Variants in PCDHGB5 observed in about 807,000 individuals in gnomAD.
PCDHGB5 encodes protocadherin gamma-B5.
PCDHGB5 carries 48 observed loss-of-function variants against 62.9 expected under a neutral mutation model. That is an observed-to-expected ratio of 0.76 (90% CI 0.61 to 0.97). PCDHGB5 has a LOEUF of 0.97. Ranked by LOEUF, PCDHGB5 falls within the 50% of genes least tolerant of loss-of-function variation. The pLI, the probability that PCDHGB5 is intolerant of heterozygous loss-of-function variation, is 0.00. For synonymous variants in PCDHGB5, 474 were observed against 511.2 expected, an observed-to-expected ratio of 0.93 and a Z score of 0.98; for missense variants, 1,118 against 1,198.6, an observed-to-expected ratio of 0.93 and a Z score of 0.99.
At chr5:141,420,413 A>T in intron 1 of PCDHGB5, 1 of 1,222,396 alleles carries the variant, frequency 8.2e-7, no homozygotes, top group Non-Finnish European at 1.1e-6. Context: ...GGTTATCATT[A>T]TTAAAACAAA....
intron 1 of PCDHGB5, among the ~76,000 whole-genome samples, chr5:141,406,975 C>A (rs1434644612): frequency 6.6e-6 from 1 of 152,108 alleles, no homozygotes; most frequent in African/African-American, 2.4e-5. Flanking sequence ...TAGTAAATAA[C>A]ATTTCACAAG....
intron 1 of PCDHGB5, chr5:141,403,389 C>T (rs764725441): frequency 1.2e-6 from 2 of 1,614,050 alleles, no homozygotes; most frequent in South Asian, 1.1e-5. Context: ...AACGAAATCG[C>T]GGTTCCTGGA....
chr5:141,481,200 T>A (rs977235584), intron 1 of PCDHGB5, among the ~76,000 whole-genome samples: 2 of 152,178 alleles, frequency 1.3e-5, no homozygotes, highest in Non-Finnish European at 2.9e-5. Flanking sequence ...CCAATTTTTT[T>A]AAAAAACATG....
In PCDHGB5 at chr5:141,491,786, C is replaced by T; in HGVS notation, c.2398-3021C>T. The stretch of plus-strand genomic sequence containing the variant: ...CCTCATAAGGGATTGAACTTGCATC[C>T]ACTCCTCTCCGGCCGGCTTGGTCGC... On this transcript the variant is annotated intron_variant, in intron 1 of 3. Coordinates refer to ENST00000617380, the MANE Select transcript of PCDHGB5 (RefSeq NM_018925.3). This position sits in a 1 kb window ranked among gnomAD's most constrained non-coding sequence, Gnocchi z 6.9. The T allele has an allele frequency of 1.3e-6, 2 of 1,529,640 alleles. No individual in the cohort carries two copies. The highest frequency in any genetic ancestry group is 2.5e-5 in the South Asian group (2 of 80,832). The allele number at this position is 1,529,640 out of a possible 1,614,324, so 94.8% of individuals were successfully genotyped here.
At chr5:141,475,828 C>T (rs1319658902) in intron 1 of PCDHGB5, 1 of 387,614 alleles carries the variant, frequency 2.6e-6, no homozygotes, top group Admixed American at 4.3e-5. Context: ...GGCGCTAGCG[C>T]GTGTCCTGCT....
chr5:141,400,321 G>A lies in PCDHGB5; in HGVS notation c.2194G>A (p.Gly732Arg), dbSNP rs190006023. The change falls in exon 1 of 4, where the codon GGA (glycine) becomes AGA (arginine). Residue 732 changes from glycine to arginine, a missense_variant. Coordinates refer to ENST00000617380, the MANE Select transcript of PCDHGB5 (RefSeq NM_018925.3). ...CFQPGLCVKS[G>R]PVVPPNYSQG... ...CCAACCTGGTCTCTGTGTCAAGTCTGGACCTGTGGTTCCCCCCAACTACAG... is the reference window on the plus strand; with the variant it reads ...CCAACCTGGTCTCTGTGTCAAGTCTAGACCTGTGGTTCCCCCCAACTACAG... The A allele has an allele frequency of 9.3e-6, 15 of 1,614,064 alleles. No homozygotes were observed. In the Admixed American group the frequency reaches 2.5e-4, roughly 27 times the overall value.
Position 141,491,963 on chromosome 5 carries a change from C to A in PCDHGB5, c.2398-2844C>A. ...CCCCCACCCCTACACTCAAAAAAGG[C>A]CGGGGCCTCCTTCGAGCTTCCGGTG... On this transcript the variant is annotated intron_variant, in intron 1 of 3. Coordinates refer to ENST00000617380, the MANE Select transcript of PCDHGB5 (RefSeq NM_018925.3). This position sits in a 1 kb window ranked among gnomAD's most constrained non-coding sequence, Gnocchi z 6.9. 2 of 944,828 alleles carry A rather than the reference C, an allele frequency of 2.1e-6. No homozygotes were observed. Among genetic ancestry groups the A allele is most frequent in the Non-Finnish European group, 3.0e-6 (2 of 670,874 alleles). 58.5% of individuals were successfully genotyped at this position (944,828 alleles called of 1,614,324 possible).
intron 1 of PCDHGB5, chr5:141,402,792 A>G (rs947158745): frequency 1.4e-5 from 14 of 1,008,956 alleles, no homozygotes; most frequent in Admixed American, 3.1e-5. Flanking sequence ...CTGCGGCTAC[A>G]CAAAACCCGG....
rs1239481973 is a variant in PCDHGB5 at position 141,491,585 on chromosome 5, C to G, written c.2398-3222C>G. On this transcript the variant is annotated intron_variant, in intron 1 of 3. Coordinates refer to ENST00000617380, the MANE Select transcript of PCDHGB5 (RefSeq NM_018925.3). The surrounding 1 kb of genome is among the most constrained non-coding windows in gnomAD (Gnocchi z 6.9). ...TACAGGACGTGCTTTTCACCGGCCT[C>G]GGACGGCAGTGACTTCACTTTTCTA... 6.2e-7 allele frequency: 1 copy of G among 1,613,964 alleles called. No individual in the cohort carries two copies.
chr5:141,415,740 G>GTTTTTTTTTTTTTTTTTTTGTTT, intron 1 of PCDHGB5: 1 of 617,992 alleles, frequency 1.6e-6, no homozygotes, highest in Non-Finnish European at 2.1e-6. Flanking sequence ...GTTTATTAAG[G>GTTTTTTTTTTTTTTTTTTTGTTT]TTTTTTTTTT....
chr5:141,494,434 T>A (rs976526647), intron 1 of PCDHGB5, among the ~76,000 whole-genome samples: 2 of 152,166 alleles, frequency 1.3e-5, no homozygotes, highest in Middle Eastern at 3.2e-3. Flanking sequence ...AAAAGCCTCC[T>A]TTGCCACTTT....
chr5:141,409,293 T>G, intron 1 of PCDHGB5: 1 of 1,613,992 alleles, frequency 6.2e-7, no homozygotes, highest in Non-Finnish European at 8.5e-7. Flanking sequence ...CCTCCAGGAA[T>G]GGTTGTTGCC....
chr5:141,409,875 A>G, intron 1 of PCDHGB5: 1 of 1,612,810 alleles, frequency 6.2e-7, no homozygotes, highest in Non-Finnish European at 8.5e-7. Flanking sequence ...CGCAATGACA[A>G]CGCACCGCGG....
At chr5:141,449,979 C>T (rs1382206842) in intron 1 of PCDHGB5, among the ~76,000 whole-genome samples, 1 of 148,862 alleles carries the variant, frequency 6.7e-6, no homozygotes, top group Non-Finnish European at 1.5e-5. Context: ...TCCAAAATAT[C>T]ACACATTGCA....
intron 2 of PCDHGB5, among the ~76,000 whole-genome samples, chr5:141,501,771 G>A (rs957546749): frequency 7.2e-5 from 11 of 152,118 alleles, no homozygotes; most frequent in African/African-American, 2.7e-4. Context: ...GGTTAAAAAA[G>A]AGGTCTCTCT....
rs1313274991 is a variant in PCDHGB5 at position 141,398,759 on chromosome 5, T to A, written c.632T>A (p.Val211Asp). 1.2e-6 allele frequency: 2 copies of A among 1,613,904 alleles called. No homozygotes were observed. Among genetic ancestry groups the A allele is most frequent in the Non-Finnish European group, 1.7e-6 (2 of 1,179,892 alleles). Reference protein sequence around the residue: ...DREQQSYHRLVLTALDGGHPP... With the variant: ...DREQQSYHRLDLTALDGGHPP... Reference sequence around the variant, plus strand: ...GAACAACAGAGTTACCATCGTTTAGTCCTGACTGCCTTGGACGGTGGACAT... The same window carrying A: ...GAACAACAGAGTTACCATCGTTTAGACCTGACTGCCTTGGACGGTGGACAT... The change falls in exon 1 of 4, where the codon GTC (valine) becomes GAC (aspartate). Residue 211 changes from valine (V) to aspartate (D), a missense_variant. Coordinates refer to ENST00000617380, the MANE Select transcript of PCDHGB5 (RefSeq NM_018925.3).
chr5:141,438,700 AC>A (rs2098052453), intron 1 of PCDHGB5, among the ~76,000 whole-genome samples: 1 of 144,406 alleles, frequency 6.9e-6, no homozygotes, highest in Non-Finnish European at 1.5e-5. Context: ...TTGCTCTGTC[AC>A]CCAGGCTGGA....
chr5:141,483,530 GC>G (rs1384645281), intron 1 of PCDHGB5, among the ~76,000 whole-genome samples: 2 of 152,158 alleles, frequency 1.3e-5, no homozygotes, highest in African/African-American at 4.8e-5. Flanking sequence ...GACTAAGGAA[GC>G]TGGGTGGTTG....
chr5:141,489,165 G>T lies in PCDHGB5; in HGVS notation c.2398-5642G>T. ...GAAGGAGACATAAGAGACTTCAGCT[G>T]CTGCATTCCAAGCCCTGGGTCTACC... On this transcript the variant is annotated intron_variant, in intron 1 of 3. Coordinates refer to ENST00000617380, the MANE Select transcript of PCDHGB5 (RefSeq NM_018925.3). This position sits in a 1 kb window ranked among gnomAD's most constrained non-coding sequence, Gnocchi z 4.5. 9.2e-7 allele frequency: 1 copy of T among 1,082,084 alleles called. No homozygotes were observed. Among genetic ancestry groups the T allele is most frequent in the Non-Finnish European group, 1.3e-6 (1 of 745,856 alleles). 67.0% of individuals were successfully genotyped at this position (1,082,084 alleles called of 1,614,324 possible).
Sources: allele counts gnomAD v4.1 joint callset (sites outside exome capture counted in the v4.1 genomes callset), GRCh38; gene constraint gnomAD v4.1.1; non-coding constraint Gnocchi (gnomAD v3.1); transcripts MANE v1.5; gene names NCBI Gene and HGNC (gene_info 2026-07-23, HGNC 2026-07-21).